TMEM135: variants seen among roughly 807,000 people sequenced by gnomAD.
TMEM135 encodes the protein peroxisomal membrane protein 52.
TMEM135 carries 30 observed loss-of-function variants against 60.3 expected under a neutral mutation model. The observed-to-expected ratio is 0.50, with a 90% confidence interval of 0.37 to 0.68. The LOEUF is 0.68. Ranked by LOEUF, TMEM135 falls within the 30% of genes least tolerant of loss-of-function variation. TMEM135 has a pLI of 0.00. For missense variants in TMEM135, 468 were observed against 548.8 expected (o/e 0.85, Z 1.47); for synonymous variants, 190 against 186.7 (o/e 1.02, Z -0.14).
intron 3 of TMEM135, among the ~76,000 whole-genome samples, chr11:87,083,686 C>G (rs539468822): frequency 6.6e-6 from 1 of 152,210 alleles, no homozygotes; most frequent in East Asian, 1.9e-4. Context: ...CACTTTGTAG[C>G]CTTCTGTAAA....
intron 5 of TMEM135, among the ~76,000 whole-genome samples, chr11:87,173,506 T>A (rs1229354617): frequency 6.6e-6 from 1 of 152,204 alleles, no homozygotes; most frequent in Non-Finnish European, 1.5e-5. Flanking sequence ...GCCAGTGTTG[T>A]CTTCTGTAAA....
At chr11:87,092,263 A>G (rs528022770) in intron 4 of TMEM135, among the ~76,000 whole-genome samples, 1 of 152,336 alleles carries the variant, frequency 6.6e-6, no homozygotes, top group South Asian at 2.1e-4. Flanking sequence ...AGAAATAATA[A>G]TGTATGAAAA....
At chr11:87,182,878 A>G (rs1939554410) in intron 5 of TMEM135, among the ~76,000 whole-genome samples, 2 of 151,968 alleles carry the variant, frequency 1.3e-5, no homozygotes, top group South Asian at 4.2e-4. Flanking sequence ...GTAATGGCCT[A>G]CTTTTATATA....
At chr11:87,061,217 C>G (rs1385478863) in intron 1 of TMEM135, among the ~76,000 whole-genome samples, 1 of 152,140 alleles carries the variant, frequency 6.6e-6, no homozygotes, top group African/African-American at 2.4e-5. Flanking sequence ...TATGCTCTTT[C>G]CTTTAAAGCA....
chr11:87,150,043 C>A (rs1448931199), intron 4 of TMEM135, among the ~76,000 whole-genome samples: 3 of 151,798 alleles, frequency 2.0e-5, no homozygotes, highest in Non-Finnish European at 4.4e-5. Context: ...CATGGTGAAA[C>A]CTGTCTCTAC....
chr11:87,237,121 ATAGTCTG>A (rs1453320036), intron 6 of TMEM135, among the ~76,000 whole-genome samples: 2 of 151,950 alleles, frequency 1.3e-5, no homozygotes, highest in Non-Finnish European at 2.9e-5. Flanking sequence ...CACATTAATG[ATAGTCTG>A]TAAAATATTG....
At chr11:87,152,477 G>A (rs1049596037) in intron 4 of TMEM135, among the ~76,000 whole-genome samples, 17 of 152,058 alleles carry the variant, frequency 1.1e-4, no homozygotes, top group African/African-American at 3.9e-4. Context: ...TTTTTGAGAC[G>A]GATTTTCACT....
chr11:87,234,105 T>C (rs1349946712), intron 5 of TMEM135, among the ~76,000 whole-genome samples: 1 of 152,052 alleles, frequency 6.6e-6, no homozygotes, highest in Non-Finnish European at 1.5e-5. Context: ...AAATCCAAAA[T>C]CCTTCCAGGG....
At chr11:87,099,895 C>G (rs1304885059) in intron 4 of TMEM135, among the ~76,000 whole-genome samples, 1 of 151,822 alleles carries the variant, frequency 6.6e-6, no homozygotes, top group Non-Finnish European at 1.5e-5. Context: ...GTTGGTCAAG[C>G]TGGTCTCGAA....
chr11:87,039,588 A>G (rs927243529), intron 1 of TMEM135, among the ~76,000 whole-genome samples: 1 of 152,218 alleles, frequency 6.6e-6, no homozygotes, highest in Non-Finnish European at 1.5e-5. Flanking sequence ...ATTTTTGGAT[A>G]CAGGGCCTTG....
At position 87,037,989 on chromosome 11, in the gene TMEM135, C is replaced by T. The variant is rs1475297199; in HGVS notation, c.-57C>T. 3.1e-6 allele frequency: 5 copies of T among 1,609,890 alleles called. No homozygotes were observed. Among genetic ancestry groups the T allele is most frequent in the East Asian group, 2.2e-5 (1 of 44,850 alleles). On this transcript the variant is annotated 5_prime_UTR_variant, in exon 1 of 15. Coordinates refer to ENST00000305494, the MANE Select transcript of TMEM135 (RefSeq NM_022918.4). ...GAGGCTGGCGGCTGGGCTCTCGCGCCCCTCCCTGCAGGGCTCAGGCTCTCC... is the reference window on the plus strand; with the variant it reads ...GAGGCTGGCGGCTGGGCTCTCGCGCTCCTCCCTGCAGGGCTCAGGCTCTCC...
rs1234955381 is a variant in TMEM135, at chr11:87,324,578, C to T, written c.*3245C>T. 1 of 447,620 alleles carries T rather than the reference C, an allele frequency of 2.2e-6. No homozygotes were observed. The highest frequency in any genetic ancestry group is 4.4e-6 in the Non-Finnish European group (1 of 225,420). 27.7% of individuals were successfully genotyped at this position (447,620 alleles called of 1,614,324 possible). A position where few individuals can be genotyped will look rare whatever the true frequency, so the allele number is the denominator to read the frequency against. Reference sequence around the variant, plus strand: ...GGGACAACAGGCATGTGCCACCATGCCTGGCTAATATTTATTTTATTTATT... The same window carrying T: ...GGGACAACAGGCATGTGCCACCATGTCTGGCTAATATTTATTTTATTTATT... On this transcript the variant is annotated 3_prime_UTR_variant, in exon 15 of 15. Transcript: ENST00000305494.
chr11:87,227,395 G>A (rs1940787900), intron 5 of TMEM135, among the ~76,000 whole-genome samples: 1 of 151,996 alleles, frequency 6.6e-6, no homozygotes, highest in Non-Finnish European at 1.5e-5. Flanking sequence ...CAAGTTTACA[G>A]TCTTAACCTG....
At chr11:87,311,209 T>G (rs1190940817) in intron 10 of TMEM135, among the ~76,000 whole-genome samples, 2 of 145,468 alleles carry the variant, frequency 1.4e-5, no homozygotes, top group African/African-American at 2.7e-5. Context: ...TAGGGTAACA[T>G]GGACAGTGTT....
chr11:87,113,076 G>C (rs1005334874), intron 4 of TMEM135, among the ~76,000 whole-genome samples: 2 of 152,040 alleles, frequency 1.3e-5, no homozygotes, highest in African/African-American at 4.8e-5. Flanking sequence ...ATAGGAAAAA[G>C]TATCTTATTT....
chr11:87,225,958 T>C (rs1301489067), intron 5 of TMEM135, among the ~76,000 whole-genome samples: 2 of 152,160 alleles, frequency 1.3e-5, no homozygotes, highest in Non-Finnish European at 2.9e-5. Flanking sequence ...TCCATGTTCA[T>C]TGGTTACTTT....
intron 5 of TMEM135, among the ~76,000 whole-genome samples, chr11:87,190,534 A>G (rs949817884): frequency 6.6e-6 from 1 of 152,164 alleles, no homozygotes; most frequent in Non-Finnish European, 1.5e-5. Flanking sequence ...CTCTGTAGGT[A>G]TTTGTTGGCA....
chr11:87,210,891 A>G (rs970172134), intron 5 of TMEM135, among the ~76,000 whole-genome samples: 6 of 152,194 alleles, frequency 3.9e-5, no homozygotes, highest in African/African-American at 1.4e-4. Context: ...TTAAGAATGA[A>G]AACAATGTGA....
At chr11:87,255,152 A>G (rs1941499600) in intron 6 of TMEM135, among the ~76,000 whole-genome samples, 1 of 152,014 alleles carries the variant, frequency 6.6e-6, no homozygotes, top group South Asian at 2.1e-4. Context: ...AGCACAGTAA[A>G]TGGGACTGGA....
Sources: allele counts gnomAD v4.1 joint callset (sites outside exome capture counted in the v4.1 genomes callset), GRCh38; gene constraint gnomAD v4.1.1; transcripts MANE v1.5; gene names NCBI Gene and HGNC (gene_info 2026-07-23, HGNC 2026-07-21).